The following ZNF385D variants were observed in gnomAD, a reference collection of about 807,000 sequenced individuals.
ZNF385D encodes the protein zinc finger protein 659.
ZNF385D carries 15 observed loss-of-function variants against 35.8 expected under a neutral mutation model. That is an observed-to-expected ratio of 0.42 (90% CI 0.28 to 0.64). The LOEUF is 0.64. Ranked by LOEUF, ZNF385D falls within the 30% of genes least tolerant of loss-of-function variation. The probability of loss-of-function intolerance (pLI) is 0.23; values close to 1 mark genes in which losing one functional copy is unlikely to be tolerated. For missense variants in ZNF385D, 474 were observed against 494.6 expected, an observed-to-expected ratio of 0.96 and a Z score of 0.39; for synonymous variants, 212 against 186.8, an observed-to-expected ratio of 1.13 and a Z score of -1.10.
intron 3 of ZNF385D, among the ~76,000 whole-genome samples, chr3:21,945,772 T>C (rs1701752114): frequency 1.3e-5 from 2 of 152,188 alleles, no homozygotes; most frequent in Non-Finnish European, 2.9e-5. Flanking sequence ...CTTTGTGAAA[T>C]GTCTTAAAGA....
chr3:21,758,972 T>C (rs562643636), intron 3 of ZNF385D, among the ~76,000 whole-genome samples: 4 of 36,434 alleles, frequency 1.1e-4, no homozygotes, highest in African/African-American at 5.2e-4. Flanking sequence ...TCATCATCAC[T>C]GGCAAAAAAA....
chr3:21,499,115 A>G (rs1268139758), intron 4 of ZNF385D, among the ~76,000 whole-genome samples: 1 of 152,014 alleles, frequency 6.6e-6, no homozygotes, highest in Non-Finnish European at 1.5e-5. Flanking sequence ...AGACCCAGCA[A>G]CCCCTTTTTT....
At chr3:22,299,168 A>C (rs1204765172) in intron 2 of ZNF385D, among the ~76,000 whole-genome samples, 1 of 151,976 alleles carries the variant, frequency 6.6e-6, no homozygotes, top group Non-Finnish European at 1.5e-5. Context: ...AGTAACCAAT[A>C]AGATGACAAA....
intron 2 of ZNF385D, among the ~76,000 whole-genome samples, chr3:22,215,464 T>G (rs1343925070): frequency 6.6e-6 from 1 of 151,944 alleles, no homozygotes; most frequent in Non-Finnish European, 1.5e-5. Context: ...GGCGGCCGTC[T>G]TTTATGGTCG....
intron 2 of ZNF385D, among the ~76,000 whole-genome samples, chr3:22,170,643 A>C (rs1694347337): frequency 6.6e-6 from 1 of 152,218 alleles, no homozygotes; most frequent in African/African-American, 2.4e-5. Context: ...TTTTAAAAGA[A>C]AATTTATAGA....
At chr3:22,208,026 C>G (rs1282203656) in intron 2 of ZNF385D, among the ~76,000 whole-genome samples, 1 of 151,878 alleles carries the variant, frequency 6.6e-6, no homozygotes, top group Non-Finnish European at 1.5e-5. Flanking sequence ...TTAAAGGTTC[C>G]TCTAAAAACT....
intron 3 of ZNF385D, among the ~76,000 whole-genome samples, chr3:21,920,468 G>GT (rs891974821): frequency 1.3e-5 from 2 of 151,664 alleles, no homozygotes; most frequent in African/African-American, 2.4e-5. Flanking sequence ...ATATTAGTAG[G>GT]TTTTTTTTAG....
At chr3:21,856,375 C>T (rs2421443) in intron 3 of ZNF385D, among the ~76,000 whole-genome samples, 5,880 of 152,034 alleles carry the variant, frequency 0.039, 395 homozygotes, top group African/African-American at 0.13. Flanking sequence ...AATAACATTC[C>T]TAATATTTTC....
At chr3:22,314,779 T>C (rs900057314) in intron 2 of ZNF385D, among the ~76,000 whole-genome samples, 2 of 152,182 alleles carry the variant, frequency 1.3e-5, no homozygotes, top group African/African-American at 4.8e-5. Context: ...AATTGCATTT[T>C]ATCTTTATAC....
intron 3 of ZNF385D, among the ~76,000 whole-genome samples, chr3:22,093,362 T>C (rs1701429961): frequency 6.6e-6 from 1 of 151,708 alleles, no homozygotes; most frequent in Non-Finnish European, 1.5e-5. Flanking sequence ...ATTAAATACA[T>C]ATAAAATATA....
At chr3:21,756,108 A>G (rs1211976974), upstream of ZNF385D, among the ~76,000 whole-genome samples, 2 of 152,218 alleles carry the variant, frequency 1.3e-5, no homozygotes, top group Non-Finnish European at 2.9e-5. Flanking sequence ...TGACTGACGT[A>G]TGAAGAATTG....
At chr3:21,900,115 T>G (rs540151500) in intron 3 of ZNF385D, among the ~76,000 whole-genome samples, 22 of 152,134 alleles carry the variant, frequency 1.4e-4, no homozygotes, top group Non-Finnish European at 2.9e-4. Flanking sequence ...TGAGAAAATG[T>G]TCAACCTAAC....
At chr3:21,565,982 G>GTTAA (rs1240218865) in intron 2 of ZNF385D, among the ~76,000 whole-genome samples, 1 of 152,316 alleles carries the variant, frequency 6.6e-6, no homozygotes. Context: ...ACTGGAATCA[G>GTTAA]TTAATTCACA....
At chr3:21,568,400 C>G (rs1007005912) in intron 2 of ZNF385D, among the ~76,000 whole-genome samples, 1 of 152,060 alleles carries the variant, frequency 6.6e-6, no homozygotes, top group African/African-American at 2.4e-5. Context: ...CTATTATAAT[C>G]AAATATTTTA....
At chr3:22,074,820 C>A (rs1439137705) in intron 3 of ZNF385D, among the ~76,000 whole-genome samples, 1 of 151,842 alleles carries the variant, frequency 6.6e-6, no homozygotes, top group Non-Finnish European at 1.5e-5. Context: ...GTCAAAAGTA[C>A]ATCCTTTCAC....
At chr3:22,025,146 C>T (rs1275591687) in intron 3 of ZNF385D, among the ~76,000 whole-genome samples, 1 of 152,056 alleles carries the variant, frequency 6.6e-6, no homozygotes, top group East Asian at 1.9e-4. Context: ...CACTTTTTGC[C>T]AGAAGGAACA....
intron 3 of ZNF385D, chr3:22,134,511 C>A (rs1275154986): frequency 6.6e-6 from 1 of 152,050 alleles, no homozygotes; most frequent in African/African-American, 2.4e-5. Flanking sequence ...CCAACAAAAT[C>A]TAACTGACAA....
chr3:21,974,131 T>C (rs1386913773), intron 3 of ZNF385D, among the ~76,000 whole-genome samples: 1 of 151,646 alleles, frequency 6.6e-6, no homozygotes, highest in Non-Finnish European at 1.5e-5. Context: ...TGAGCAAAAA[T>C]TTGAACAAAA....
intron 3 of ZNF385D, among the ~76,000 whole-genome samples, chr3:22,154,531 TCTTTG>T (rs1175407786): frequency 6.6e-6 from 1 of 152,188 alleles, no homozygotes; most frequent in Admixed American, 6.5e-5. Context: ...CTGTCTGATC[TCTTTG>T]CTTTGCACAA....
Sources: gnomAD v4.1 joint callset for allele counts (sites outside exome capture counted in the v4.1 genomes callset) on GRCh38, gnomAD v4.1.1 for gene constraint, MANE v1.5 for transcripts, NCBI Gene and HGNC (gene_info 2026-07-23, HGNC 2026-07-21) for gene names.